The following BCORL1 variants were observed in gnomAD, a reference collection of about 807,000 sequenced individuals.
BCORL1 encodes the protein BCL6 corepressor like 1, also known as BCL-6 corepressor-like protein 1.
Under a neutral mutation model 87.6 loss-of-function variants are expected in BCORL1, and 7 were observed. That is an observed-to-expected ratio of 0.08 (90% CI 0.05 to 0.15). The LOEUF (loss-of-function observed/expected upper bound fraction) is 0.15. Among genes scored for constraint, BCORL1 ranks in the 10% least tolerant of loss-of-function variants. The pLI, the probability that BCORL1 is intolerant of heterozygous loss-of-function variation, is 1.00. For missense variants in BCORL1, 1,215 were observed against 1,499.7 expected (o/e 0.81, Z 3.13); for synonymous variants, 591 against 634.4 (o/e 0.93, Z 1.03).
At position 130,028,627 on chromosome X, in the gene BCORL1, G is replaced by T. The variant is rs1930382530; in HGVS notation, c.4079-8G>T. 1 of 1,192,438 alleles carries T rather than the reference G, an allele frequency of 8.4e-7. No individual in the cohort carries two copies. Among genetic ancestry groups the T allele is most frequent in the Non-Finnish European group, 1.1e-6 (1 of 881,742 alleles). ...GACATCCGTTCTTTTCCTGTTTCTT[G>T]CCTTCAGATTTAAAGGCCCGTAAGC... On this transcript the variant is annotated splice_region_variant and splice_polypyrimidine_tract_variant and intron_variant, in intron 7 of 13. Coordinates refer to ENST00000540052, the MANE Select transcript of BCORL1 (RefSeq NM_001379451.1).
chrX:130,013,125 C>A lies in BCORL1; in HGVS notation c.353C>A (p.Pro118Gln). 8.3e-7 allele frequency: 1 copy of A among 1,210,542 alleles called. No individual in the cohort carries two copies. The highest frequency in any genetic ancestry group is 1.1e-6 in the Non-Finnish European group (1 of 894,355). The part of the protein sequence containing the change: ...AEGLLVPLSS[P>Q]GDGLKLPASD... ...GGCCTCTTGGTGCCCCTGAGCAGCC[C>A]AGGAGACGGGCTCAAGCTTCCCGCA... The change falls in exon 4 of 14, where the codon CCA (proline) becomes CAA (glutamine). Residue 118 changes from proline (P) to glutamine (Q), a missense_variant. By Grantham distance (76) the Pro-to-Gln change is moderately conservative (BLOSUM62 -1). Around this residue, in one of 5 missense-constraint regions of BCORL1, gnomAD observed 861 missense variants for 1,010.0 expected, o/e 0.85. Coordinates refer to ENST00000540052, the MANE Select transcript of BCORL1 (RefSeq NM_001379451.1).
In BCORL1 at chrX:130,055,827, C is replaced by T. The variant is rs187656058; in HGVS notation, c.5076-27C>T. 7,610 of 1,179,192 alleles carry T rather than the reference C, an allele frequency of 6.5e-3. 21 individuals are homozygous for T. The highest frequency in any genetic ancestry group is 7.9e-3 in the Non-Finnish European group (6,966 of 878,227). On this transcript the variant is annotated intron_variant, in intron 13 of 13. Transcript: ENST00000540052. ...CCCCACCGCTTCCTCCAGCCTCCTT[C>T]AATAACTCCCATCCTTGCCTTTGCA...
chrX:130,041,233 A>G (rs1442004908), intron 11 of BCORL1, among the ~76,000 whole-genome samples: 5 of 96,535 alleles, frequency 5.2e-5, no homozygotes, highest in Non-Finnish European at 1.0e-4. Context: ...TTAGCCAGGT[A>G]TGGTGACTGC....
chrX:130,024,987 C>G lies in BCORL1; in HGVS notation c.3689-3C>G. ...GACCATCCTCTGTACATCCCATCCA[C>G]AGGAAGCATCTGTAGCTCCTTTGCT... On this transcript the variant is annotated splice_polypyrimidine_tract_variant and splice_region_variant and intron_variant, in intron 6 of 13. Transcript: ENST00000540052. The G allele has an allele frequency of 1.7e-6, 2 of 1,209,576 alleles. No individual in the cohort carries two copies. The highest frequency in any genetic ancestry group is 2.2e-6 in the Non-Finnish European group (2 of 894,180).
chrX:130,020,864 TG>T, intron 4 of BCORL1, 120 bp from the exon 5 acceptor site: 1 of 787,100 alleles, frequency 1.3e-6, no homozygotes, highest in Non-Finnish European at 1.7e-6. Context: ...CCCTTGCCCC[TG>T]GTCCCCCACT....
chrX:130,016,193 C>T lies in BCORL1; in HGVS notation c.3421C>T (p.Arg1141Trp), dbSNP rs774123074. ...CCAGCCACAAGCCAAGGCCGTGGTC[C>T]GGAGTTCCCACAGACCCAAGGTGAG... is the stretch of plus-strand genomic sequence containing the variant. ...QLQPQAKAVV[R>W]SSHRPKCRKL... is the part of the protein sequence containing the mutation. Residue 1141 changes from arginine (R) to tryptophan (W), a missense_variant, in exon 4 of 14, where the codon CGG becomes TGG. This residue lies in a region of BCORL1 where 861 missense variants were observed against 1,010.0 expected (regional missense o/e 0.85). Transcript: ENST00000540052. 8 of 1,202,196 alleles carry T rather than the reference C, an allele frequency of 6.7e-6. No homozygotes were observed. The highest frequency in any genetic ancestry group is 5.4e-5 in the South Asian group (3 of 55,976).
intron 9 of BCORL1, among the ~76,000 whole-genome samples, chrX:130,036,073 T>A (rs1930924694): frequency 8.9e-6 from 1 of 112,166 alleles, no homozygotes; most frequent in Non-Finnish European, 1.9e-5. Flanking sequence ...AGCTATGGGA[T>A]CCATTGTTTG....
intron 3 of BCORL1, 56 bp downstream of exon 3, chrX:130,012,724 T>A: frequency 9.2e-7 from 1 of 1,088,479 alleles, no homozygotes; most frequent in Non-Finnish European, 1.3e-6. Flanking sequence ...CTGAGCTGCC[T>A]GGGAGGTGTG....
intron 9 of BCORL1, among the ~76,000 whole-genome samples, chrX:130,036,617 T>C (rs754836242): frequency 1.8e-5 from 2 of 112,501 alleles, no homozygotes; most frequent in South Asian, 7.3e-4. Flanking sequence ...GGCTTGAACA[T>C]TGGTCCTGCC....
intron 13 of BCORL1, among the ~76,000 whole-genome samples, chrX:130,055,126 G>A (rs1024140645): frequency 3.6e-5 from 4 of 111,358 alleles, no homozygotes; most frequent in Admixed American, 2.9e-4. Context: ...GTTTCTTCCC[G>A]CATTAGTCAA....
At chrX:130,055,817 C>T (rs745624789) in intron 13 of BCORL1, 37 bp from the exon 14 acceptor site, 1 of 1,172,078 alleles carries the variant, frequency 8.5e-7, no homozygotes, top group African/African-American at 1.8e-5. Flanking sequence ...CCGCTTCCTC[C>T]AGCCTCCTTC....
rs766766645 is a variant in BCORL1 at position 130,037,346 on chromosome X, G to C, written c.4528-21G>C. On this transcript the variant is annotated intron_variant, in intron 9 of 13. Transcript: ENST00000540052. ...AGAATTAGACCTCTCTTTGCTCATG[G>C]AGTTGTCCCTGTCCCCACAGGATGT... The C allele has an allele frequency of 4.1e-6, 5 of 1,206,186 alleles. No individual in the cohort carries two copies. In the South Asian group the frequency reaches 8.8e-5, roughly 21 times the overall value.
chrX:129,988,159 A>G, intron 1 of BCORL1, among the ~76,000 whole-genome samples: 1 of 111,986 alleles, frequency 8.9e-6, no homozygotes, highest in East Asian at 2.8e-4. Context: ...CTAGTACAGT[A>G]TTTGATATAA....
chrX:130,001,456 A>G (rs1241286338), intron 1 of BCORL1, among the ~76,000 whole-genome samples: 1 of 111,938 alleles, frequency 8.9e-6, no homozygotes, highest in Non-Finnish European at 1.9e-5. Flanking sequence ...TCCCCAACTA[A>G]CCAAGCTAGA....
In BCORL1 at chrX:130,039,396, T is replaced by C. The variant is rs755529109; in HGVS notation, c.4840+114T>C. The C allele has an allele frequency of 2.0e-5, 18 of 908,177 alleles. No homozygotes were observed. In the African/African-American group the frequency reaches 3.5e-4, roughly 18 times the overall value. The allele number at this position is 908,177 out of a possible 1,213,427, so 74.8% of individuals were successfully genotyped here. ...CCTTGAACAGCTCCCATGAGGGCCATCTGCCCTCTTCACCTGCTTTCATTC... is the reference window on the plus strand; with the variant it reads ...CCTTGAACAGCTCCCATGAGGGCCACCTGCCCTCTTCACCTGCTTTCATTC... On this transcript the variant is annotated intron_variant, in intron 11 of 13. Coordinates refer to ENST00000540052, the MANE Select transcript of BCORL1 (RefSeq NM_001379451.1).
chrX:130,027,715 C>A (rs1930334992), intron 7 of BCORL1, among the ~76,000 whole-genome samples: 1 of 112,169 alleles, frequency 8.9e-6, no homozygotes, highest in Non-Finnish European at 1.9e-5. Context: ...TTATTTAATT[C>A]TCATACCACT....
At chrX:130,005,426 A>C in intron 2 of BCORL1, 109 bp downstream of exon 2, 1 of 703,928 alleles carries the variant, frequency 1.4e-6, no homozygotes, top group African/African-American at 2.1e-5. Context: ...GGGGAGGAGA[A>C]GACTCTTAGT....
At chrX:130,037,839 C>T (rs926680025) in intron 10 of BCORL1, among the ~76,000 whole-genome samples, 4 of 111,274 alleles carry the variant, frequency 3.6e-5, no homozygotes, top group Admixed American at 9.5e-5. Context: ...TGCAGTGAGC[C>T]GCGACCATGC....
At chrX:129,980,567 T>C (rs943724018), upstream of BCORL1, among the ~76,000 whole-genome samples, 34 of 112,003 alleles carry the variant, frequency 3.0e-4, no homozygotes, top group Non-Finnish European at 5.7e-4. Context: ...GGCCGGCACC[T>C]GGACCCGGAC....
Sources: allele counts gnomAD v4.1 joint callset (sites outside exome capture counted in the v4.1 genomes callset), GRCh38; gene constraint gnomAD v4.1.1; regional missense constraint gnomAD v4.1.1; transcripts MANE v1.5; gene names NCBI Gene and HGNC (gene_info 2026-07-23, HGNC 2026-07-21).